TXNDC5: variants seen among roughly 807,000 people sequenced by gnomAD.
TXNDC5 encodes thioredoxin domain containing 5.
A neutral mutation model predicts 52.6 loss-of-function variants in TXNDC5; 44 were observed. That is an observed-to-expected ratio of 0.84 (90% confidence interval 0.66 to 1.08). TXNDC5 has a LOEUF of 1.08. Ranked by LOEUF, TXNDC5 falls within the 50% of genes least tolerant of loss-of-function variation. The pLI, the probability that TXNDC5 is intolerant of heterozygous loss-of-function variation, is 0.00. For synonymous variants in TXNDC5, 241 were observed against 234.4 expected (o/e 1.03, Z -0.26); for missense variants, 600 against 565.5 (o/e 1.06, Z -0.62).
intron 3 of TXNDC5, among the ~76,000 whole-genome samples, chr6:7,898,513 A>G (rs1213216794): frequency 6.6e-6 from 1 of 152,262 alleles, no homozygotes; most frequent in Non-Finnish European, 1.5e-5. Context: ...GGACCACCAC[A>G]GACCACCTTC....
intron 2 of TXNDC5, among the ~76,000 whole-genome samples, chr6:7,901,115 C>T (rs892146271): frequency 4.6e-5 from 7 of 152,154 alleles, no homozygotes; most frequent in African/African-American, 1.7e-4. Flanking sequence ...ACCCAGCTTC[C>T]TCAGCAGCTC....
In TXNDC5 at chr6:7,899,857, G is replaced by A. The variant is rs534761589; in HGVS notation, c.414-176C>T. 2.7e-5 allele frequency: 13 copies of A among 479,412 alleles called. No homozygotes were observed. In the East Asian group the frequency reaches 4.3e-4, roughly 16 times the overall value. The allele number at this position is 479,412 out of a possible 1,614,324, so 29.7% of individuals were successfully genotyped here. ...AACGTTCCAGGAGATAATACATTCA[G>A]TTAATCCTAAACTTTCAGAAGTTTC... On this transcript the variant is annotated intron_variant, in intron 2 of 9. Coordinates refer to ENST00000379757, the MANE Select transcript of TXNDC5 (RefSeq NM_030810.5).
At chr6:7,897,329 TA>T (rs1325314342) in intron 3 of TXNDC5, among the ~76,000 whole-genome samples, 2 of 152,158 alleles carry the variant, frequency 1.3e-5, no homozygotes, top group Non-Finnish European at 2.9e-5. Flanking sequence ...CCACAACACT[TA>T]AAAAAATCTA....
chr6:7,893,049 A>G (rs1232794876), intron 4 of TXNDC5, among the ~76,000 whole-genome samples: 2 of 152,200 alleles, frequency 1.3e-5, no homozygotes, highest in African/African-American at 4.8e-5. Flanking sequence ...ATTATATTTT[A>G]TCATAAAAAA....
At position 7,884,341 on chromosome 6, in the gene TXNDC5, A is replaced by G. The variant is rs751438165; in HGVS notation, c.1176+18T>C. 1 of 1,613,828 alleles carries G rather than the reference A, an allele frequency of 6.2e-7. No homozygotes were observed. The highest frequency in any genetic ancestry group is 8.5e-7 in the Non-Finnish European group (1 of 1,179,820). ...CCCCATACTGAGAGCTCCCATAAGC[A>G]TCCATCCAAGTACCCACCGAATACT... On this transcript the variant is annotated intron_variant, in intron 9 of 9. Coordinates refer to ENST00000379757, the MANE Select transcript of TXNDC5 (RefSeq NM_030810.5).
chr6:7,910,285 C>A (rs1760874166), intron 1 of TXNDC5, among the ~76,000 whole-genome samples: 1 of 150,832 alleles, frequency 6.6e-6, no homozygotes, highest in South Asian at 2.1e-4. Context: ...CCCCCGCTCC[C>A]CGCCAGCCGG....
chr6:7,903,700 G>C (rs1760643333), intron 2 of TXNDC5, among the ~76,000 whole-genome samples: 1 of 152,154 alleles, frequency 6.6e-6, no homozygotes, highest in Non-Finnish European at 1.5e-5. Context: ...GTATAGAATT[G>C]ACTTCATTCC....
chr6:7,891,232 G>T (rs1760179391), intron 5 of TXNDC5, among the ~76,000 whole-genome samples: 1 of 152,126 alleles, frequency 6.6e-6, no homozygotes, highest in Non-Finnish European at 1.5e-5. Context: ...CTGCGTGCTT[G>T]GGGGAGCACA....
chr6:7,904,428 C>T (rs976757087), intron 2 of TXNDC5, 146 bp downstream of exon 2: 8 of 1,040,996 alleles, frequency 7.7e-6, no homozygotes, highest in Non-Finnish European at 1.1e-5. Context: ...CTAAAACAGA[C>T]ACAGCATTAA....
intron 1 of TXNDC5, among the ~76,000 whole-genome samples, chr6:7,906,898 T>G (rs1760754645): frequency 6.6e-6 from 1 of 152,250 alleles, no homozygotes; most frequent in Non-Finnish European, 1.5e-5. Flanking sequence ...ACATTAAGTG[T>G]GACCCTGCTG....
chr6:7,889,380 C>T (rs781002035), intron 6 of TXNDC5, 115 bp downstream of exon 6: 11 of 832,970 alleles, frequency 1.3e-5, no homozygotes, highest in Non-Finnish European at 2.1e-5. Context: ...TTTCTCCAAA[C>T]CAGTGCCCTA....
intron 3 of TXNDC5, among the ~76,000 whole-genome samples, chr6:7,897,145 AAAT>A (rs1357582129): frequency 6.6e-6 from 1 of 152,226 alleles, no homozygotes; most frequent in Non-Finnish European, 1.5e-5. Flanking sequence ...CCACATGATA[AAAT>A]AATATAAGAC....
chr6:7,898,988 G>A (rs1212438403), intron 3 of TXNDC5, among the ~76,000 whole-genome samples: 2 of 152,170 alleles, frequency 1.3e-5, no homozygotes, highest in Non-Finnish European at 2.9e-5. Flanking sequence ...AGAAGAAAAG[G>A]AAGGATCCAC....
intron 4 of TXNDC5, among the ~76,000 whole-genome samples, chr6:7,893,180 C>A (rs887449917): frequency 5.9e-5 from 9 of 152,198 alleles, no homozygotes; most frequent in African/African-American, 2.2e-4. Flanking sequence ...TGGGCTGATA[C>A]CAAACTGAAA....
intron 1 of TXNDC5, among the ~76,000 whole-genome samples, chr6:7,906,595 T>C (rs954609921): frequency 2.0e-5 from 3 of 148,568 alleles, no homozygotes; most frequent in Non-Finnish European, 3.0e-5. Context: ...AAAAGTCTGC[T>C]TCAAGTTAAT....
intron 7 of TXNDC5, among the ~76,000 whole-genome samples, chr6:7,887,179 A>G (rs931703987): frequency 2.6e-5 from 4 of 151,946 alleles, no homozygotes; most frequent in African/African-American, 9.7e-5. Flanking sequence ...AGGGGTGAGG[A>G]GGCCTGGTGT....
chr6:7,898,640 C>G (rs1007255414), intron 3 of TXNDC5, among the ~76,000 whole-genome samples: 1 of 152,102 alleles, frequency 6.6e-6, no homozygotes, highest in African/African-American at 2.4e-5. Flanking sequence ...TGTAGGAACA[C>G]GAGTGTTTTT....
chr6:7,886,599 G>C (rs1759991657), intron 7 of TXNDC5, among the ~76,000 whole-genome samples: 1 of 152,234 alleles, frequency 6.6e-6, no homozygotes, highest in Admixed American at 6.5e-5. Flanking sequence ...AAAATGGAAA[G>C]CAGCCTGTTC....
intron 8 of TXNDC5, among the ~76,000 whole-genome samples, chr6:7,885,590 T>G (rs909963429): frequency 1.6e-4 from 24 of 152,308 alleles, no homozygotes; most frequent in African/African-American, 5.3e-4. Flanking sequence ...ATCATGACAC[T>G]CATTGTTTAG....
Sources: gnomAD v4.1 joint callset for allele counts (sites outside exome capture counted in the v4.1 genomes callset) on GRCh38, gnomAD v4.1.1 for gene constraint, MANE v1.5 for transcripts, NCBI Gene and HGNC (gene_info 2026-07-23, HGNC 2026-07-21) for gene names.